CPQ: variants seen among roughly 807,000 people sequenced by gnomAD.
The protein encoded by CPQ is Ser-Met dipeptidase.
CPQ carries 37 observed loss-of-function variants against 45.7 expected under a neutral mutation model. The ratio of observed to expected loss-of-function variants is 0.81; its 90% CI spans 0.62 to 1.07. The LOEUF (loss-of-function observed/expected upper bound fraction) is 1.07. Ranked by LOEUF, CPQ falls within the 50% of genes least tolerant of loss-of-function variation. CPQ has a pLI of 0.00. For missense variants in CPQ, 537 were observed against 572.9 expected, an observed-to-expected ratio of 0.94 and a Z score of 0.64; for synonymous variants, 186 against 205.8, an observed-to-expected ratio of 0.90 and a Z score of 0.82.
chr8:96,745,956 A>C (rs909023150), intron 1 of CPQ, among the ~76,000 whole-genome samples: 4 of 152,186 alleles, frequency 2.6e-5, no homozygotes, highest in Non-Finnish European at 5.9e-5. Flanking sequence ...GGTCTATTTC[A>C]GTTTCCATGA....
intron 5 of CPQ, among the ~76,000 whole-genome samples, chr8:96,972,030 A>G (rs2853260): frequency 0.51 from 77,194 of 152,038 alleles, 21,691 homozygotes; most frequent in African/African-American, 0.77. Flanking sequence ...CTGGATCACC[A>G]CTGCAGGCTT....
intron 7 of CPQ, among the ~76,000 whole-genome samples, chr8:97,097,327 C>CT (rs932393953): frequency 5.3e-4 from 80 of 152,066 alleles, no homozygotes; most frequent in African/African-American, 1.7e-3. Flanking sequence ...AGGATCTCTT[C>CT]TTTTTTTTGA....
chr8:96,718,432 C>T (rs1468716410), intron 1 of CPQ, among the ~76,000 whole-genome samples: 4 of 152,074 alleles, frequency 2.6e-5, no homozygotes, highest in African/African-American at 9.7e-5. Flanking sequence ...TGTTACAGCT[C>T]TTAAGGCAGC....
chr8:96,885,250 A>G (rs1057289008), intron 4 of CPQ, among the ~76,000 whole-genome samples: 2 of 152,134 alleles, frequency 1.3e-5, no homozygotes, highest in Non-Finnish European at 2.9e-5. Flanking sequence ...TCCTTTTTAT[A>G]ACAAACTCAT....
rs114626085 is a variant in CPQ, at chr8:96,877,576, C to G, written c.642-2222C>G. 2.3e-3 allele frequency among the ~76,000 whole-genome samples: 348 copies of G among 152,312 alleles called. 2 individuals are homozygous for G. The highest frequency in any genetic ancestry group is 7.8e-3 in the African/African-American group (324 of 41,558). ...TAATTTTTGGTCATTAATCACTCCACTAGCTCAGTGGGAAAAATTAACACC... is the reference window on the plus strand; with the variant it reads ...TAATTTTTGGTCATTAATCACTCCAGTAGCTCAGTGGGAAAAATTAACACC... On this transcript the variant is annotated intron_variant, in intron 3 of 7. Coordinates refer to ENST00000220763, the MANE Select transcript of CPQ (RefSeq NM_016134.4).
At chr8:96,965,172 G>T (rs932811254) in intron 4 of CPQ, among the ~76,000 whole-genome samples, 1 of 151,708 alleles carries the variant, frequency 6.6e-6, no homozygotes, top group Non-Finnish European at 1.5e-5. Flanking sequence ...AATCTATAAT[G>T]CATAAAACAA....
intron 5 of CPQ, among the ~76,000 whole-genome samples, chr8:97,005,237 A>T (rs759937531): frequency 6.6e-6 from 1 of 151,776 alleles, no homozygotes; most frequent in African/African-American, 2.4e-5. Context: ...GTGTGCCACC[A>T]CACCTGGCTA....
intron 1 of CPQ, among the ~76,000 whole-genome samples, chr8:96,721,985 A>T (rs749982436): frequency 2.1e-4 from 32 of 152,182 alleles, no homozygotes; most frequent in Non-Finnish European, 3.8e-4. Context: ...TGGTAGTCCT[A>T]TACCAGGATA....
intron 4 of CPQ, among the ~76,000 whole-genome samples, chr8:96,965,581 G>C (rs985771888): frequency 1.3e-5 from 2 of 151,990 alleles, no homozygotes; most frequent in African/African-American, 4.8e-5. Context: ...GTGTTAACCA[G>C]GATGGTCTTG....
intron 4 of CPQ, among the ~76,000 whole-genome samples, chr8:96,943,318 G>A (rs1223172314): frequency 6.6e-6 from 1 of 152,128 alleles, no homozygotes; most frequent in African/African-American, 2.4e-5. Flanking sequence ...CAATAATTAA[G>A]TTTGTTATAA....
intron 4 of CPQ, among the ~76,000 whole-genome samples, chr8:96,917,173 G>A (rs1456491196): frequency 6.6e-6 from 1 of 151,824 alleles, no homozygotes; most frequent in African/African-American, 2.4e-5. Context: ...AAAACAAGAT[G>A]GCATTATACT....
intron 1 of CPQ, among the ~76,000 whole-genome samples, chr8:96,776,877 T>C (rs1437833990): frequency 1.3e-5 from 2 of 152,136 alleles, no homozygotes; most frequent in Admixed American, 1.3e-4. Flanking sequence ...ACAGCATGGG[T>C]TTTTAAAAAA....
intron 2 of CPQ, among the ~76,000 whole-genome samples, chr8:96,805,867 C>T (rs1412066655): frequency 6.6e-6 from 1 of 151,874 alleles, no homozygotes; most frequent in Non-Finnish European, 1.5e-5. Flanking sequence ...CTTACATTCC[C>T]TCCACCATAG....
intron 7 of CPQ, among the ~76,000 whole-genome samples, chr8:97,085,862 C>T (rs1811033506): frequency 6.6e-6 from 1 of 152,138 alleles, no homozygotes; most frequent in Admixed American, 6.5e-5. Context: ...GTTTCTTAAT[C>T]TTTAAATATC....
At chr8:97,068,244 A>AT (rs1183609455) in intron 7 of CPQ, among the ~76,000 whole-genome samples, 1 of 152,154 alleles carries the variant, frequency 6.6e-6, no homozygotes, top group Non-Finnish European at 1.5e-5. Context: ...ATAAGAAAGC[A>AT]TTTTCTGTCT....
At chr8:96,924,274 A>T (rs1442150825) in intron 4 of CPQ, among the ~76,000 whole-genome samples, 1 of 152,180 alleles carries the variant, frequency 6.6e-6, no homozygotes, top group African/African-American at 2.4e-5. Context: ...ATTTTCTGGT[A>T]AAGAGTACCA....
At chr8:96,699,304 A>G (rs1698126660) in intron 1 of CPQ, among the ~76,000 whole-genome samples, 1 of 152,164 alleles carries the variant, frequency 6.6e-6, no homozygotes, top group Admixed American at 6.6e-5. Context: ...ATGGACATAG[A>G]GAGTGGGATG....
intron 4 of CPQ, among the ~76,000 whole-genome samples, chr8:96,939,973 T>C (rs1813103559): frequency 6.6e-6 from 1 of 152,140 alleles, no homozygotes; most frequent in African/African-American, 2.4e-5. Flanking sequence ...TCCTCCTTAG[T>C]GCATGGTATT....
At chr8:96,881,581 A>G (rs1015952523) in intron 4 of CPQ, among the ~76,000 whole-genome samples, 4 of 152,194 alleles carry the variant, frequency 2.6e-5, no homozygotes, top group Admixed American at 2.0e-4. Flanking sequence ...TCTTCATTTT[A>G]TAGGTGAGAA....
Sources: gnomAD v4.1 joint callset for allele counts (sites outside exome capture counted in the v4.1 genomes callset) on GRCh38, gnomAD v4.1.1 for gene constraint, MANE v1.5 for transcripts, NCBI Gene and HGNC (gene_info 2026-07-23, HGNC 2026-07-21) for gene names.